MYB: variants seen among roughly 807,000 people sequenced by gnomAD.
MYB encodes MYB proto-oncogene, transcription factor.
MYB carries 28 observed loss-of-function variants against 92.9 expected under a neutral mutation model. The observed-to-expected ratio is 0.30, with a 90% CI of 0.22 to 0.41. The LOEUF is 0.41. MYB is among the 10% of genes least tolerant of loss of function. The probability of loss-of-function intolerance (pLI) is 1.00; values close to 1 mark genes in which losing one functional copy is unlikely to be tolerated. For missense variants in MYB, 679 were observed against 929.3 expected, an observed-to-expected ratio of 0.73 and a Z score of 3.50; for synonymous variants, 295 against 329.1, an observed-to-expected ratio of 0.90 and a Z score of 1.12.
intron 15 of MYB, 91 bp downstream of exon 15, chr6:135,203,415 C>G (rs9402696): frequency 9.8e-7 from 1 of 1,022,324 alleles, no homozygotes. Flanking sequence ...GATGGTAGTG[C>G]TGGTGGTCTG....
intron 15 of MYB, among the ~76,000 whole-genome samples, chr6:135,211,398 A>G (rs763114303): frequency 1.3e-5 from 2 of 151,948 alleles, no homozygotes; most frequent in Admixed American, 6.6e-5. Context: ...GGGAGAAGCT[A>G]TGTTGAGCTC....
At position 135,197,257 on chromosome 6, in the gene MYB, T is replaced by G; in HGVS notation, c.1500T>G (p.Phe500Leu). 1 of 1,613,994 alleles carries G rather than the reference T, an allele frequency of 6.2e-7. No homozygotes were observed. The highest frequency in any genetic ancestry group is 8.5e-7 in the Non-Finnish European group (1 of 1,179,870). The change falls in exon 10 of 16, where the codon TTT becomes TTG. Residue 500 changes from phenylalanine (F) to leucine (L), a missense_variant. By Grantham distance (22) the Phe-to-Leu change is conservative. This residue lies in a region of MYB where 402 missense variants were observed against 434.2 expected (regional missense o/e 0.93). Transcript: ENST00000341911. ...LATGDCSSFIFADVSSSTPKR... is the reference protein window; with the variant it reads ...LATGDCSSFILADVSSSTPKR... ...CTGGAGACTGTAGCTCCTTCATATT[T>G]GCTGACGTCAGCAGTTCAACTCCCA...
intron 8 of MYB, 133 bp from the exon 9 acceptor site, chr6:135,195,615 G>A (rs770578956): frequency 8.3e-6 from 8 of 967,408 alleles, no homozygotes; most frequent in Middle Eastern, 2.2e-4. Context: ...TTTCATAGGC[G>A]TAAGTTTGGG....
chr6:135,197,286 G>C lies in MYB; in HGVS notation c.1529G>C (p.Arg510Pro), dbSNP rs781033918. Residue 510 changes from arginine to proline, a missense_variant, in exon 10 of 16, where the codon CGT (arginine) becomes CCT (proline). Around this residue, in one of 8 missense-constraint regions of MYB, gnomAD observed 402 missense variants for 434.2 expected, o/e 0.93. Coordinates refer to ENST00000341911, the MANE Select transcript of MYB (RefSeq NM_001130173.2). ...GACGTCAGCAGTTCAACTCCCAAGC[G>C]TTCCCCTGTCAAAAGCCTACCCTTC... ...FADVSSSTPK[R>P]SPVKSLPFSP... The C allele has an allele frequency of 6.2e-7, 1 of 1,613,294 alleles. No homozygotes were observed. Among genetic ancestry groups the C allele is most frequent in the Admixed American group, 1.7e-5 (1 of 59,944 alleles).
At position 135,199,058 on chromosome 6, in the gene MYB, T is replaced by A; in HGVS notation, c.1709+8T>A. On this transcript the variant is annotated splice_region_variant and intron_variant, in intron 11 of 15. Transcript: ENST00000341911. Reference sequence around the variant, plus strand: ...TCAAAAGGAAAATACTGTGTAAGTCTTTGGTTCAGGAATAAAATGATTTAT... The same window carrying A: ...TCAAAAGGAAAATACTGTGTAAGTCATTGGTTCAGGAATAAAATGATTTAT... The A allele has an allele frequency of 6.4e-7, 1 of 1,572,092 alleles. No homozygotes were observed. The highest frequency in any genetic ancestry group is 1.9e-5 in the Admixed American group (1 of 51,572).
At chr6:135,206,715 T>C (rs891099355) in intron 15 of MYB, among the ~76,000 whole-genome samples, 1 of 151,940 alleles carries the variant, frequency 6.6e-6, no homozygotes, top group African/African-American at 2.4e-5. Context: ...AACAAAAATT[T>C]AATCTGCTAT....
chr6:135,205,794 G>A (rs1778784100), intron 15 of MYB, among the ~76,000 whole-genome samples: 1 of 152,178 alleles, frequency 6.6e-6, no homozygotes, highest in Non-Finnish European at 1.5e-5. Context: ...ATAAAGCCAG[G>A]CTCAGTGGCT....
rs371729193 is a variant in MYB at position 135,201,643 on chromosome 6, A to C, written c.1955A>C (p.Glu652Ala). 56 of 1,603,168 alleles carry C rather than the reference A, an allele frequency of 3.5e-5. No homozygotes were observed. The highest frequency in any genetic ancestry group is 4.8e-5 in the Non-Finnish European group (56 of 1,172,444). Residue 652 changes from glutamate to alanine, a missense_variant, in exon 14 of 16, where the codon GAA becomes GCA. Physicochemically the swap from Glu to Ala is moderately radical, Grantham distance 107. Coordinates refer to ENST00000341911, the MANE Select transcript of MYB (RefSeq NM_001130173.2). ...PLLKKIKQEV[E>A]SPTDKSGNFF... ...GCACTTTCTATATGCTTTTAGGTGG[A>C]ATCTCCAACTGATAAATCAGGAAAC...
At position 135,209,950 on chromosome 6, in the gene MYB, C is replaced by T. The variant is rs559275226; in HGVS notation, c.2169+6626C>T. Among the ~76,000 whole-genome samples, 13 of 152,200 alleles carry T rather than the reference C, an allele frequency of 8.5e-5. No individual in the cohort carries two copies. In the South Asian group the frequency reaches 2.5e-3, roughly 29 times the overall value. On this transcript the variant is annotated intron_variant, in intron 15 of 15. Transcript: ENST00000341911. The stretch of plus-strand genomic sequence containing the variant: ...GTCACAAATGAGGAAGTAGAGAAAA[C>T]ATTCAGCCTAGAAAGCGTGCATTTG...
At chr6:135,217,716 T>C (rs536094164) in intron 15 of MYB, 148 bp from the exon 16 acceptor site, 1 of 711,616 alleles carries the variant, frequency 1.4e-6, no homozygotes, top group African/African-American at 1.8e-5. Flanking sequence ...GAACACCGGA[T>C]TTCTGGGGGC....
intron 11 of MYB, among the ~76,000 whole-genome samples, 191 bp downstream of exon 11, chr6:135,199,241 G>A (rs1446588515): frequency 6.6e-6 from 1 of 151,996 alleles, no homozygotes; most frequent in Non-Finnish European, 1.5e-5. Flanking sequence ...GTAGAAGATG[G>A]GAAGATAAAC....
intron 1 of MYB, among the ~76,000 whole-genome samples, chr6:135,183,544 C>G (rs1775470700): frequency 6.6e-6 from 1 of 152,192 alleles, no homozygotes; most frequent in African/African-American, 2.4e-5. Context: ...GGTCTGAGAT[C>G]TTGTCAGAGC....
chr6:135,190,070 A>G lies in MYB; in HGVS notation c.307-57A>G. On this transcript the variant is annotated intron_variant, in intron 4 of 15. Transcript: ENST00000341911. This position sits in a 1 kb window ranked among gnomAD's most constrained non-coding sequence, Gnocchi z 4.5. ...GATCTTGTAACACTGAAGAATGATTATACTGACTCATTACATAACTTTAAA... is the reference window on the plus strand; with the variant it reads ...GATCTTGTAACACTGAAGAATGATTGTACTGACTCATTACATAACTTTAAA... 1 of 1,558,026 alleles carries G rather than the reference A, an allele frequency of 6.4e-7. No individual in the cohort carries two copies. The highest frequency in any genetic ancestry group is 8.8e-7 in the Non-Finnish European group (1 of 1,135,508).
At chr6:135,209,960 A>G (rs2128316115) in intron 15 of MYB, among the ~76,000 whole-genome samples, 1 of 152,320 alleles carries the variant, frequency 6.6e-6, no homozygotes. Flanking sequence ...CATTCAGCCT[A>G]GAAAGCGTGC....
Position 135,203,201 on chromosome 6 carries a change from A to G in MYB, c.2062-16A>G. The stretch of plus-strand genomic sequence containing the variant: ...TCCAACCTCATTTAAATTTCAAATT[A>G]TTCTCTTCCCTTTAGAATATTCTTA... On this transcript the variant is annotated splice_polypyrimidine_tract_variant and intron_variant, in intron 14 of 15. Coordinates refer to ENST00000341911, the MANE Select transcript of MYB (RefSeq NM_001130173.2). The G allele has an allele frequency of 6.5e-7, 1 of 1,543,352 alleles. No homozygotes were observed. The highest frequency in any genetic ancestry group is 8.9e-7 in the Non-Finnish European group (1 of 1,119,966).
intron 14 of MYB, chr6:135,202,763 T>C (rs1778308653): frequency 2.8e-6 from 1 of 358,238 alleles, no homozygotes; most frequent in Non-Finnish European, 5.4e-6. Context: ...TAATAAGGGA[T>C]GGTGCTGGGT....
chr6:135,215,933 A>C (rs1319185801), intron 15 of MYB, among the ~76,000 whole-genome samples: 1 of 152,130 alleles, frequency 6.6e-6, no homozygotes, highest in Non-Finnish European at 1.5e-5. Context: ...GTAGGCTCTG[A>C]ACAGCTAAGG....
rs1236382279 is a variant in MYB at position 135,200,192 on chromosome 6, A to G, written c.1817A>G (p.Lys606Arg). ...AAQEIKYGPL[K>R]MLPQTPSHLV... ...CAAGAAATTAAATACGGTCCCCTGAAGATGCTAGTAAGTTCTAGAAAAGTT... is the reference window on the plus strand; with the variant it reads ...CAAGAAATTAAATACGGTCCCCTGAGGATGCTAGTAAGTTCTAGAAAAGTT... Residue 606 changes from lysine (K) to arginine (R), a missense_variant, in exon 12 of 16, where the codon AAG becomes AGG. Physicochemically the swap from Lys to Arg is conservative, Grantham distance 26. Coordinates refer to ENST00000341911, the MANE Select transcript of MYB (RefSeq NM_001130173.2). 1.1e-5 allele frequency: 17 copies of G among 1,614,044 alleles called. No homozygotes were observed. In the Admixed American group the frequency reaches 1.7e-4, roughly 16 times the overall value.
At chr6:135,198,823 T>G (rs1777679169) in intron 10 of MYB, 85 bp from the exon 11 acceptor site, 1 of 1,096,674 alleles carries the variant, frequency 9.1e-7, no homozygotes, top group Admixed American at 2.6e-5. Context: ...GAAAACATTC[T>G]TGTTATCTAG....
Sources: gnomAD v4.1 joint callset for allele counts (sites outside exome capture counted in the v4.1 genomes callset) on GRCh38, gnomAD v4.1.1 for gene constraint, gnomAD v4.1.1 regional missense constraint, Gnocchi (gnomAD v3.1) non-coding constraint, MANE v1.5 for transcripts, NCBI Gene and HGNC (gene_info 2026-07-23, HGNC 2026-07-21) for gene names.